The following GALNTL6 variants were observed in gnomAD, a reference collection of about 807,000 sequenced individuals.
GALNTL6 encodes the protein polypeptide N-acetylgalactosaminyltransferase like 6.
In GALNTL6, 46 loss-of-function variants were observed where a neutral mutation model predicts 73.7. The ratio of observed to expected loss-of-function variants is 0.62; its 90% CI spans 0.49 to 0.80. GALNTL6 has a LOEUF of 0.80. Ranked by LOEUF, GALNTL6 falls within the 30% of genes least tolerant of loss-of-function variation. The pLI, the probability that GALNTL6 is intolerant of heterozygous loss-of-function variation, is 0.00. For missense variants in GALNTL6, 604 were observed against 755.0 expected (o/e 0.80, Z 2.34); for synonymous variants, 259 against 263.7 (o/e 0.98, Z 0.17).
intron 7 of GALNTL6, among the ~76,000 whole-genome samples, chr4:172,844,900 A>G (rs1394339941): frequency 6.6e-6 from 1 of 152,172 alleles, no homozygotes; most frequent in African/African-American, 2.4e-5. Flanking sequence ...ACAAAGTAAA[A>G]TATGAAGGAA....
intron 2 of GALNTL6, among the ~76,000 whole-genome samples, chr4:171,914,012 A>G (rs1217111038): frequency 6.6e-6 from 1 of 152,062 alleles, no homozygotes; most frequent in Non-Finnish European, 1.5e-5. Flanking sequence ...CATGGTTAAA[A>G]GTACTCAATT....
At chr4:172,645,411 A>G (rs1740195321) in intron 5 of GALNTL6, among the ~76,000 whole-genome samples, 1 of 151,934 alleles carries the variant, frequency 6.6e-6, no homozygotes, top group Non-Finnish European at 1.5e-5. Flanking sequence ...CTTTCCACAA[A>G]TTTATCTAAT....
At chr4:172,574,773 G>A (rs957953558) in intron 5 of GALNTL6, among the ~76,000 whole-genome samples, 13 of 151,792 alleles carry the variant, frequency 8.6e-5, no homozygotes, top group South Asian at 6.3e-4. Context: ...GGGATAATAG[G>A]GTCTAAATAT....
chr4:172,307,075 A>T (rs1447290446), intron 3 of GALNTL6, among the ~76,000 whole-genome samples: 1 of 152,168 alleles, frequency 6.6e-6, no homozygotes, highest in Non-Finnish European at 1.5e-5. Flanking sequence ...TTACATTCCC[A>T]CCAGCAGTGT....
In GALNTL6 at chr4:171,930,931, A is replaced by G. The variant is rs532466557; in HGVS notation, c.138+116213A>G. On this transcript the variant is annotated intron_variant, in intron 2 of 12. Coordinates refer to ENST00000506823, the MANE Select transcript of GALNTL6 (RefSeq NM_001034845.3). ...ATGACTGAAAGTCCTAGTTACAGCA[A>G]TTAGGTAAGAGAAGGAAATACAAGT... Among the ~76,000 whole-genome samples the G allele has an allele frequency of 1.3e-4, 20 of 152,320 alleles. No homozygotes were observed. The South Asian group carries it at 4.1e-3, about 32-fold the overall frequency.
At chr4:172,761,729 T>C (rs1414638612) in intron 5 of GALNTL6, among the ~76,000 whole-genome samples, 1 of 150,994 alleles carries the variant, frequency 6.6e-6, no homozygotes, top group Non-Finnish European at 1.5e-5. Flanking sequence ...TGGTAAAACG[T>C]ACTTGCTTCC....
intron 5 of GALNTL6, among the ~76,000 whole-genome samples, chr4:172,595,460 T>TA (rs1727453953): frequency 6.6e-6 from 1 of 152,172 alleles, no homozygotes; most frequent in South Asian, 2.1e-4. Flanking sequence ...CATCTAGTGT[T>TA]AAGAGAGATC....
At chr4:172,176,262 C>T (rs907255992) in intron 2 of GALNTL6, among the ~76,000 whole-genome samples, 1 of 134,686 alleles carries the variant, frequency 7.4e-6, no homozygotes, top group Non-Finnish European at 1.5e-5. Context: ...ATGGCGTGAA[C>T]CTGCGAGGCG....
At chr4:171,890,234 AGTCAAGTG>A (rs1311260331) in intron 2 of GALNTL6, among the ~76,000 whole-genome samples, 1 of 152,100 alleles carries the variant, frequency 6.6e-6, no homozygotes, top group African/African-American at 2.4e-5. Context: ...AGACCTGCAA[AGTCAAGTG>A]GTTTTTATAA....
chr4:171,944,402 A>G (rs1250627797), intron 2 of GALNTL6, among the ~76,000 whole-genome samples: 1 of 152,078 alleles, frequency 6.6e-6, no homozygotes, highest in African/African-American at 2.4e-5. Context: ...AATTAAAAAG[A>G]CTTGAATGAG....
intron 2 of GALNTL6, among the ~76,000 whole-genome samples, chr4:171,957,762 A>G (rs416138): frequency 0.48 from 72,411 of 151,990 alleles, 17,737 homozygotes; most frequent in East Asian, 0.59. Context: ...CAGGTGTACA[A>G]TCCATTCTCT....
intron 2 of GALNTL6, among the ~76,000 whole-genome samples, chr4:172,225,440 C>CCA (rs1050632252): frequency 1.1e-4 from 16 of 150,132 alleles, no homozygotes; most frequent in Admixed American, 9.3e-4. Context: ...TTACGGTGAC[C>CCA]ATTGTGTCAC....
chr4:172,686,528 G>A (rs1045322335), intron 5 of GALNTL6, among the ~76,000 whole-genome samples: 1 of 152,168 alleles, frequency 6.6e-6, no homozygotes, highest in Non-Finnish European at 1.5e-5. Context: ...TTACTTATAT[G>A]ATTCTATTCA....
At chr4:171,907,396 T>A (rs2110955187) in intron 2 of GALNTL6, among the ~76,000 whole-genome samples, 1 of 152,218 alleles carries the variant, frequency 6.6e-6, no homozygotes, top group African/African-American at 2.4e-5. Context: ...CATTCACAAT[T>A]GCTTCAAAGA....
intron 5 of GALNTL6, among the ~76,000 whole-genome samples, chr4:172,462,452 A>C (rs536968887): frequency 6.6e-6 from 1 of 152,232 alleles, no homozygotes; most frequent in South Asian, 2.1e-4. Flanking sequence ...AGTAAAACAA[A>C]ATCAAAAACA....
At chr4:172,157,895 G>A (rs140862936) in intron 2 of GALNTL6, among the ~76,000 whole-genome samples, 1 of 152,080 alleles carries the variant, frequency 6.6e-6, no homozygotes, top group Non-Finnish European at 1.5e-5. Context: ...TTCTCCTCAG[G>A]TACATTAAAT....
At chr4:172,753,099 A>G (rs1299780281) in intron 5 of GALNTL6, among the ~76,000 whole-genome samples, 1 of 152,180 alleles carries the variant, frequency 6.6e-6, no homozygotes, top group Non-Finnish European at 1.5e-5. Context: ...TATCAAGGGC[A>G]GGGCCAGGTA....
intron 7 of GALNTL6, among the ~76,000 whole-genome samples, chr4:172,819,792 G>A (rs946747235): frequency 1.8e-4 from 27 of 152,294 alleles, no homozygotes; most frequent in African/African-American, 6.0e-4. Flanking sequence ...TAAGAAAGCA[G>A]AGCTAAGAAT....
intron 8 of GALNTL6, among the ~76,000 whole-genome samples, chr4:172,928,933 G>A (rs1403789895): frequency 6.6e-6 from 1 of 152,200 alleles, no homozygotes; most frequent in South Asian, 2.1e-4. Flanking sequence ...TGTTAATGAT[G>A]TGTGTTTTGT....
Sources: gnomAD v4.1 joint callset for allele counts (sites outside exome capture counted in the v4.1 genomes callset) on GRCh38, gnomAD v4.1.1 for gene constraint, MANE v1.5 for transcripts, NCBI Gene and HGNC (gene_info 2026-07-23, HGNC 2026-07-21) for gene names.